Variants in GPRIN3 observed in about 807,000 individuals in gnomAD.
GPRIN3 encodes the protein GPRIN family member 3.
A neutral mutation model predicts 13.7 loss-of-function variants in GPRIN3; 12 were observed. The observed-to-expected ratio is 0.87, with a 90% CI of 0.56 to 1.42. The LOEUF is 1.42. Among genes scored for constraint, GPRIN3 ranks in the 40% most tolerant of loss-of-function variants. The pLI, the probability that GPRIN3 is intolerant of heterozygous loss-of-function variation, is 0.00. For missense variants in GPRIN3, 1,009 were observed against 958.7 expected (o/e 1.05, Z -0.69); for synonymous variants, 377 against 372.7 (o/e 1.01, Z -0.13).
chr4:89,281,011 G>A (rs1724232793), intron 1 of GPRIN3, among the ~76,000 whole-genome samples: 1 of 152,038 alleles, frequency 6.6e-6, no homozygotes, highest in Non-Finnish European at 1.5e-5. Flanking sequence ...CATCCGCTAT[G>A]TTTCTGGAGA....
At chr4:89,265,954 C>T (rs1380474544) in intron 1 of GPRIN3, among the ~76,000 whole-genome samples, 4 of 152,116 alleles carry the variant, frequency 2.6e-5, no homozygotes, top group African/African-American at 9.7e-5. Flanking sequence ...GGGTGAGCTC[C>T]ACCACATTAT....
intron 1 of GPRIN3, among the ~76,000 whole-genome samples, chr4:89,270,108 A>G (rs115534112): frequency 0.012 from 1,774 of 152,268 alleles, 41 homozygotes; most frequent in African/African-American, 0.037. Flanking sequence ...TGACATTAAA[A>G]AGTATAAAGA....
At chr4:89,283,039 T>C (rs1005325205) in intron 1 of GPRIN3, among the ~76,000 whole-genome samples, 13 of 152,206 alleles carry the variant, frequency 8.5e-5, no homozygotes, top group Admixed American at 6.5e-5. Context: ...AAAAGACCGA[T>C]TGTTATTAAT....
chr4:89,298,914 A>T (rs1289295737), intron 1 of GPRIN3, among the ~76,000 whole-genome samples: 2 of 152,106 alleles, frequency 1.3e-5, no homozygotes, highest in African/African-American at 2.4e-5. Context: ...TCGGAGGCTC[A>T]GATTTCATCA....
intron 1 of GPRIN3, among the ~76,000 whole-genome samples, chr4:89,302,133 A>G (rs1285993140): frequency 6.6e-6 from 1 of 152,228 alleles, no homozygotes; most frequent in African/African-American, 2.4e-5. Flanking sequence ...AGATGAGATC[A>G]TGGCATTGTC....
chr4:89,284,932 A>G lies in GPRIN3; in HGVS notation c.-124+22683T>C, dbSNP rs1331084452. Among the ~76,000 whole-genome samples the G allele has an allele frequency of 2.0e-5, 3 of 152,308 alleles. No individual in the cohort carries two copies. The East Asian group carries it at 5.8e-4, about 29-fold the overall frequency. ...GGTCACAAGATATGCAACTTCCCCA[A>G]TTACTACTGCAATAACATCACCAAT... On this transcript the variant is annotated intron_variant, in intron 1 of 1. Coordinates refer to ENST00000609438, the MANE Select transcript of GPRIN3 (RefSeq NM_198281.3).
Position 89,249,449 on chromosome 4 carries a change from C to G in GPRIN3, c.662G>C (p.Gly221Ala), listed in dbSNP as rs780598823. ...GTCACAGATGGCTCCCTGCCTTTCC[C>G]CTTCAGGTCCACCTACAGGAGAGGA... Reference protein sequence around the residue: ...HSSSPVGGPEGERQGAICDSE... With the variant: ...HSSSPVGGPEAERQGAICDSE... Residue 221 changes from glycine (G) to alanine (A), a missense_variant, in exon 2 of 2, where the codon GGG becomes GCG. Physicochemically the swap from Gly to Ala is moderately conservative, Grantham distance 60. Coordinates refer to ENST00000609438, the MANE Select transcript of GPRIN3 (RefSeq NM_198281.3). 1 of 1,614,112 alleles carries G rather than the reference C, an allele frequency of 6.2e-7. No individual in the cohort carries two copies. The highest frequency in any genetic ancestry group is 8.5e-7 in the Non-Finnish European group (1 of 1,180,012).
intron 1 of GPRIN3, among the ~76,000 whole-genome samples, chr4:89,275,518 G>A (rs1442628609): frequency 6.6e-6 from 1 of 152,160 alleles, no homozygotes; most frequent in Non-Finnish European, 1.5e-5. Context: ...AAAGACAAAA[G>A]GATAGCTTTC....
chr4:89,237,799 C>CAGTG lies in GPRIN3; in HGVS notation c.*9977_*9980dup, dbSNP rs1197344021. On this transcript the variant is annotated 3_prime_UTR_variant, in exon 2 of 2. Coordinates refer to ENST00000609438, the MANE Select transcript of GPRIN3 (RefSeq NM_198281.3). ...AGGTATTTTGAGTTCACAATCAGTCCAGTGAAGCAATATTATGCTAAGAAG... is the reference window on the plus strand; with the variant it reads ...AGGTATTTTGAGTTCACAATCAGTCCAGTGAGTGAAGCAATATTATGCTAAGAAG... The CAGTG allele has an allele frequency of 6.6e-6, 1 of 152,122 alleles. No individual in the cohort carries two copies. The highest frequency in any genetic ancestry group is 1.5e-5 in the Non-Finnish European group (1 of 68,028). The allele number at this position is 152,122 out of a possible 1,614,324, so 9.4% of individuals were successfully genotyped here.
At chr4:89,265,338 T>G (rs975400101) in intron 1 of GPRIN3, among the ~76,000 whole-genome samples, 4 of 152,152 alleles carry the variant, frequency 2.6e-5, no homozygotes, top group Admixed American at 2.6e-4. Context: ...AAATTTCTAA[T>G]TCTGTTTGTA....
At chr4:89,258,503 T>C (rs998569565) in intron 1 of GPRIN3, among the ~76,000 whole-genome samples, 1 of 152,110 alleles carries the variant, frequency 6.6e-6, no homozygotes, top group African/African-American at 2.4e-5. Flanking sequence ...CATGAGCCAC[T>C]GTGCCTGGCC....
intron 1 of GPRIN3, among the ~76,000 whole-genome samples, chr4:89,293,889 C>A (rs1578113051): frequency 6.6e-6 from 1 of 152,198 alleles, no homozygotes; most frequent in East Asian, 1.9e-4. Context: ...TAAATCTTTT[C>A]TATTCAGAAT....
Position 89,270,020 on chromosome 4 carries a change from T to C in GPRIN3, c.-123-19787A>G, listed in dbSNP as rs546713122. On this transcript the variant is annotated intron_variant, in intron 1 of 1. Coordinates refer to ENST00000609438, the MANE Select transcript of GPRIN3 (RefSeq NM_198281.3). The stretch of plus-strand genomic sequence containing the variant: ...ATTCTCTTAGCTTGAGTATCTTTAA[T>C]TCTCATTTAAGGAGAAAATATTTAG... 3.1e-4 allele frequency among the ~76,000 whole-genome samples: 47 copies of C among 152,322 alleles called. No individual in the cohort carries two copies. In the South Asian group the frequency reaches 6.6e-3, roughly 21 times the overall value.
intron 1 of GPRIN3, among the ~76,000 whole-genome samples, chr4:89,255,782 G>A (rs1723449513): frequency 6.6e-6 from 1 of 152,164 alleles, no homozygotes; most frequent in South Asian, 2.1e-4. Context: ...GATGCCTAAG[G>A]TCAAGACCTG....
intron 1 of GPRIN3, among the ~76,000 whole-genome samples, chr4:89,293,092 T>C (rs1307991571): frequency 6.6e-6 from 1 of 152,236 alleles, no homozygotes; most frequent in African/African-American, 2.4e-5. Context: ...TAGTTGTGTA[T>C]AGAAGAAAAT....
At chr4:89,295,680 G>A (rs1297881036) in intron 1 of GPRIN3, among the ~76,000 whole-genome samples, 1 of 152,134 alleles carries the variant, frequency 6.6e-6, no homozygotes, top group Non-Finnish European at 1.5e-5. Flanking sequence ...GGGCATCAGA[G>A]CTAGAATTGC....
intron 1 of GPRIN3, among the ~76,000 whole-genome samples, chr4:89,299,118 A>T (rs911393483): frequency 6.6e-6 from 1 of 152,172 alleles, no homozygotes; most frequent in Non-Finnish European, 1.5e-5. Flanking sequence ...TTTAACACCT[A>T]TGGTCTTTTA....
At chr4:89,273,537 A>G (rs1016699182) in intron 1 of GPRIN3, among the ~76,000 whole-genome samples, 4 of 152,146 alleles carry the variant, frequency 2.6e-5, no homozygotes, top group Non-Finnish European at 4.4e-5. Flanking sequence ...AAATACAAAA[A>G]TTAGCTAGGC....
At chr4:89,299,159 C>T (rs754461648) in intron 1 of GPRIN3, among the ~76,000 whole-genome samples, 2 of 152,080 alleles carry the variant, frequency 1.3e-5, no homozygotes, top group Non-Finnish European at 1.5e-5. Context: ...GGTGACAGGA[C>T]GCTTGATACT....
Sources: gnomAD v4.1 joint callset for allele counts (sites outside exome capture counted in the v4.1 genomes callset) on GRCh38, gnomAD v4.1.1 for gene constraint, MANE v1.5 for transcripts, NCBI Gene and HGNC (gene_info 2026-07-23, HGNC 2026-07-21) for gene names.